Variants in IGF2R observed in about 807,000 individuals in gnomAD.
IGF2R encodes the protein insulin like growth factor 2 receptor.
Under a neutral mutation model 270.6 loss-of-function variants are expected in IGF2R, and 91 were observed. The ratio of observed to expected loss-of-function variants is 0.34; its 90% CI spans 0.28 to 0.40. The LOEUF is 0.40. Ranked by LOEUF, IGF2R falls within the 10% of genes least tolerant of loss-of-function variation. The probability of loss-of-function intolerance (pLI) is 1.00; values close to 1 mark genes in which losing one functional copy is unlikely to be tolerated. For missense variants in IGF2R, 2,805 were observed against 3,188.3 expected (o/e 0.88, Z 2.90); for synonymous variants, 1,316 against 1,258.9 (o/e 1.05, Z -0.96).
intron 45 of IGF2R, among the ~76,000 whole-genome samples, chr6:160,101,477 C>A (rs1247341737): frequency 6.6e-6 from 1 of 152,182 alleles, no homozygotes; most frequent in Non-Finnish European, 1.5e-5. Flanking sequence ...TCTTGTCTTG[C>A]TGATGTTTTA....
rs1362755567 is a variant in IGF2R at position 160,069,932 on chromosome 6, G to A, written c.4317G>A (p.Arg1439=). 8 of 1,614,092 alleles carry A rather than the reference G, an allele frequency of 5.0e-6. No homozygotes were observed. In the African/African-American group the frequency reaches 8.0e-5, roughly 16 times the overall value. ...LGGSKPVNLG[R]VRDGPQWRDG... is the part of the protein sequence containing the mutation. ...GCTCCAAGCCCGTGAACCTCGGCAG[G>A]GTAAGGGACGGACCTCAGTGGAGAG... The change falls in exon 31 of 48, where the codon AGG becomes AGA. Residue 1439 remains arginine (R), a synonymous_variant. Transcript: ENST00000356956.
chr6:159,978,831 A>G (rs1783735449), intron 1 of IGF2R, among the ~76,000 whole-genome samples: 1 of 152,130 alleles, frequency 6.6e-6, no homozygotes, highest in Non-Finnish European at 1.5e-5. Context: ...GACCTTTGGT[A>G]GGAGTTTTCT....
At position 160,050,423 on chromosome 6, in the gene IGF2R, T is replaced by C. The variant is rs986786436; in HGVS notation, c.2515-50T>C. 3.9e-6 allele frequency: 6 copies of C among 1,542,636 alleles called. No homozygotes were observed. Among genetic ancestry groups the C allele is most frequent in the Non-Finnish European group, 5.3e-6 (6 of 1,129,792 alleles). On this transcript the variant is annotated intron_variant, in intron 18 of 47. Coordinates refer to ENST00000356956, the MANE Select transcript of IGF2R (RefSeq NM_000876.4). This position sits in a 1 kb window ranked among gnomAD's most constrained non-coding sequence, Gnocchi z 4.0. The stretch of plus-strand genomic sequence containing the variant: ...GAATGTAACCACCACCAATAACGAA[T>C]CGACTGTATCTTCAGGGGGAAAAGC...
Position 160,085,095 on chromosome 6 carries a change from C to G in IGF2R, c.6169C>G (p.Leu2057Val). The change falls in exon 41 of 48, where the codon CTG becomes GTG. Residue 2057 changes from leucine to valine, a missense_variant. Physicochemically the swap from Leu to Val is conservative, Grantham distance 32 (BLOSUM62 1). Transcript: ENST00000356956. ...GACCACAACTGGTGACGTCCAGGTC[C>G]TGGGACTCGTTCACACGCAGAAGCT... ...RRTTTGDVQVLGLVHTQKLGV... is the reference protein window; with the variant it reads ...RRTTTGDVQVVGLVHTQKLGV... The G allele has an allele frequency of 6.2e-7, 1 of 1,613,940 alleles. No homozygotes were observed. The highest frequency in any genetic ancestry group is 1.3e-5 in the African/African-American group (1 of 75,030).
At chr6:160,063,267 G>A (rs984588096) in intron 26 of IGF2R, 148 bp from the exon 27 acceptor site, 13 of 627,218 alleles carry the variant, frequency 2.1e-5, no homozygotes, top group Non-Finnish European at 3.5e-5. Flanking sequence ...TAGATCTCTT[G>A]ACCTAGTAAT....
Position 160,089,150 on chromosome 6 carries a change from C to T in IGF2R, c.6364C>T (p.Arg2122Trp), listed in dbSNP as rs1240248488. 6 of 1,613,962 alleles carry T rather than the reference C, an allele frequency of 3.7e-6. No individual in the cohort carries two copies. The highest frequency in any genetic ancestry group is 2.2e-5 in the East Asian group (1 of 44,894). ...CACTTACTACTTCAGCTGGGACTCC[C>T]GGGCTGCCTGCGCCGTGAAGCCTCA... is the stretch of plus-strand genomic sequence containing the variant. ...SCTYYFSWDSRAACAVKPQEV... is the reference protein window; with the variant it reads ...SCTYYFSWDSWAACAVKPQEV... Residue 2122 changes from arginine (R) to tryptophan (W), a missense_variant, in exon 43 of 48, where the codon CGG (arginine) becomes TGG (tryptophan). Transcript: ENST00000356956.
intron 44 of IGF2R, chr6:160,094,178 C>T (rs574316534): frequency 4.7e-5 from 18 of 382,068 alleles, no homozygotes; most frequent in Non-Finnish European, 7.1e-5. Context: ...ATAAACAGGG[C>T]GTTACAGAAT....
At chr6:160,011,706 C>T (rs1583258549) in intron 4 of IGF2R, among the ~76,000 whole-genome samples, 1 of 152,050 alleles carries the variant, frequency 6.6e-6, no homozygotes, top group Non-Finnish European at 1.5e-5. Flanking sequence ...CCTTCCCCAG[C>T]CTGGATTCCC....
chr6:160,031,166 C>T (rs949211643), intron 7 of IGF2R, among the ~76,000 whole-genome samples: 8 of 152,136 alleles, frequency 5.3e-5, no homozygotes, highest in Admixed American at 1.3e-4. Context: ...CTTAACTGTT[C>T]ACTGGGCAGA....
chr6:160,105,905 T>TTGTGTGTGTGTGTG lies in IGF2R; in HGVS notation c.*842_*855dup, dbSNP rs68155905. ...CCTGCCCAAAGATTGATTTGTGTGT[T>TTGTGTGTGTGTGTG]TGTGTGTGTGTGTGTGTGTGTGTGT... On this transcript the variant is annotated 3_prime_UTR_variant, in exon 48 of 48. Transcript: ENST00000356956. 5.5e-5 allele frequency: 8 copies of TTGTGTGTGTGTGTG among 145,984 alleles called. No homozygotes were observed. The highest frequency in any genetic ancestry group is 2.1e-4 in the African/African-American group (8 of 38,808). 9.0% of individuals were successfully genotyped at this position (145,984 alleles called of 1,614,324 possible).
intron 1 of IGF2R, among the ~76,000 whole-genome samples, chr6:159,982,086 G>A (rs1336038066): frequency 6.6e-6 from 1 of 152,208 alleles, no homozygotes. Context: ...TTCAGCTCGG[G>A]GTAGGAGTCT....
At position 160,109,172 on chromosome 6, in the gene IGF2R, G is replaced by C. The variant is rs1361623707; in HGVS notation, c.*4088G>C. ...AATCTAGTGAATGGGGTTATTGGTTGTCACACCTGGGAGAGTGAAAATGAG... is the reference window on the plus strand; with the variant it reads ...AATCTAGTGAATGGGGTTATTGGTTCTCACACCTGGGAGAGTGAAAATGAG... On this transcript the variant is annotated 3_prime_UTR_variant, in exon 48 of 48. Transcript: ENST00000356956. 6.6e-6 allele frequency: 1 copy of C among 152,224 alleles called. No individual in the cohort carries two copies. Among genetic ancestry groups the C allele is most frequent in the Non-Finnish European group, 1.5e-5 (1 of 68,042 alleles). The allele number at this position is 152,224 out of a possible 1,614,324, so 9.4% of individuals were successfully genotyped here.
intron 19 of IGF2R, among the ~76,000 whole-genome samples, chr6:160,052,565 C>T (rs1778222939): frequency 6.6e-6 from 1 of 152,110 alleles, no homozygotes; most frequent in Non-Finnish European, 1.5e-5. Context: ...GTTTTCTTCA[C>T]AGAATTGGAA....
Position 159,972,725 on chromosome 6 carries a change from A to G in IGF2R, c.149+3330A>G, listed in dbSNP as rs117448557. Among the ~76,000 whole-genome samples, 268 of 152,302 alleles carry G rather than the reference A, an allele frequency of 1.8e-3. 4 individuals carry two copies. The highest frequency in any genetic ancestry group is 4.3e-3 in the Admixed American group (66 of 15,304). ...GGTGCGGTTCCTGGTGCAGTTAGTT[A>G]TTGGGAGGAACGAAGGAGACAGCAC... On this transcript the variant is annotated intron_variant, in intron 1 of 47. Transcript: ENST00000356956.
chr6:160,079,631 G>A lies in IGF2R; in HGVS notation c.5530G>A (p.Gly1844Arg), dbSNP rs1450392237. The A allele has an allele frequency of 6.4e-7, 1 of 1,553,196 alleles. No homozygotes were observed. The highest frequency in any genetic ancestry group is 8.7e-7 in the Non-Finnish European group (1 of 1,150,070). ...YSVGVCTFAV[G>R]PEQGGCKDGG... ...CGTTGGGGTGTGCACCTTTGCAGTC[G>A]GGCCAGAACAAGGAGGCTGTAAGGA... The change falls in exon 38 of 48, where the codon GGG becomes AGG. Residue 1844 changes from glycine to arginine, a missense_variant. Around this residue, in one of 2 missense-constraint regions of IGF2R, gnomAD observed 1,851 missense variants for 2,207.2 expected, o/e 0.84. Coordinates refer to ENST00000356956, the MANE Select transcript of IGF2R (RefSeq NM_000876.4).
At chr6:159,992,300 T>A (rs1463748270) in intron 2 of IGF2R, among the ~76,000 whole-genome samples, 1 of 152,174 alleles carries the variant, frequency 6.6e-6, no homozygotes, top group Non-Finnish European at 1.5e-5. Context: ...TAGTTGTAAA[T>A]CTGGGTTTTT....
chr6:160,030,848 G>A (rs532224887), intron 7 of IGF2R, among the ~76,000 whole-genome samples: 3 of 146,634 alleles, frequency 2.0e-5, no homozygotes, highest in African/African-American at 5.0e-5. Flanking sequence ...TTTAAAGACA[G>A]TGTCTTGCTC....
intron 1 of IGF2R, among the ~76,000 whole-genome samples, chr6:159,980,131 A>T (rs1442284676): frequency 6.6e-6 from 1 of 151,602 alleles, no homozygotes; most frequent in East Asian, 1.9e-4. Context: ...CAGTGAGCTG[A>T]GATCGCACCG....
chr6:160,090,004 C>A lies in IGF2R; in HGVS notation c.6556C>A (p.Pro2186Thr). The A allele has an allele frequency of 6.2e-7, 1 of 1,606,730 alleles. No individual in the cohort carries two copies. The highest frequency in any genetic ancestry group is 8.5e-7 in the Non-Finnish European group (1 of 1,176,710). ...QLSSITSSRN[P>T]ACSGANICQV... ...TTCCTCCATCACAAGCTCCAGAAAC[C>A]CGGCGTGCTCTGGAGCCAACATATG... Residue 2186 changes from proline (P) to threonine (T), a missense_variant, in exon 44 of 48, where the codon CCG (proline) becomes ACG (threonine). Physicochemically the swap from Pro to Thr is conservative, Grantham distance 38. Coordinates refer to ENST00000356956, the MANE Select transcript of IGF2R (RefSeq NM_000876.4).
Sources: allele counts gnomAD v4.1 joint callset (sites outside exome capture counted in the v4.1 genomes callset), GRCh38; gene constraint gnomAD v4.1.1; regional missense constraint gnomAD v4.1.1; non-coding constraint Gnocchi (gnomAD v3.1); transcripts MANE v1.5; gene names NCBI Gene and HGNC (gene_info 2026-07-23, HGNC 2026-07-21).